Variants in GPR158 observed in about 807,000 individuals in gnomAD.
GPR158 encodes the protein G protein-coupled receptor 158, also known as metabotropic glycine receptor.
GPR158 carries 30 observed loss-of-function variants against 78.2 expected under a neutral mutation model. That is an observed-to-expected ratio of 0.38 (90% CI 0.29 to 0.52). The LOEUF (loss-of-function observed/expected upper bound fraction) is 0.52. GPR158 is among the 20% of genes least tolerant of loss of function. The pLI is 0.83. For missense variants in GPR158, 1,463 were observed against 1,523.5 expected (o/e 0.96, Z 0.66); for synonymous variants, 581 against 591.1 (o/e 0.98, Z 0.25).
In GPR158 at chr10:25,395,983, C is replaced by A. The variant is rs145500194; in HGVS notation, c.1081C>A (p.Pro361Thr). Residue 361 changes from proline to threonine, a missense_variant, in exon 3 of 11, where the codon CCT becomes ACT. By Grantham distance (38) the Pro-to-Thr change is conservative. Transcript: ENST00000376351. ...CATTTGCAAAGCAGGATTCTATCAT[C>A]CTGGAGTCTTACCAGTGAACAACTT... ...ECICKAGFYHPGVLPVNNFRR... is the reference protein window; with the variant it reads ...ECICKAGFYHTGVLPVNNFRR... 787 of 1,604,348 alleles carry A rather than the reference C, an allele frequency of 4.9e-4. 1 individual carries two copies. The highest frequency in any genetic ancestry group is 2.5e-3 in the South Asian group (230 of 90,866).
At chr10:25,273,048 A>G (rs1478493060) in intron 2 of GPR158, among the ~76,000 whole-genome samples, 1 of 152,220 alleles carries the variant, frequency 6.6e-6, no homozygotes, top group Admixed American at 6.5e-5. Flanking sequence ...ACCTGGGACT[A>G]TAATCCAGAT....
chr10:25,491,571 TTATCA>T (rs1835809262), intron 5 of GPR158, among the ~76,000 whole-genome samples: 1 of 152,200 alleles, frequency 6.6e-6, no homozygotes. Context: ...TTGAGATAAA[TTATCA>T]TTTATCACCC....
At chr10:25,282,117 C>A (rs74126509) in intron 2 of GPR158, among the ~76,000 whole-genome samples, 50 of 152,222 alleles carry the variant, frequency 3.3e-4, no homozygotes, top group African/African-American at 1.1e-3. Flanking sequence ...TTGTGATGCC[C>A]CTTTAAAATC....
chr10:25,510,465 A>G (rs1202562151), intron 5 of GPR158, among the ~76,000 whole-genome samples: 1 of 152,174 alleles, frequency 6.6e-6, no homozygotes. Context: ...TAGTAATATT[A>G]TTTGGCAGCT....
At chr10:25,463,035 A>G (rs1309915941) in intron 4 of GPR158, among the ~76,000 whole-genome samples, 2 of 152,222 alleles carry the variant, frequency 1.3e-5, no homozygotes, top group Non-Finnish European at 2.9e-5. Context: ...CGACTGGTAC[A>G]GCAAACTTCA....
At chr10:25,473,586 G>A (rs1038031042) in intron 5 of GPR158, among the ~76,000 whole-genome samples, 4 of 152,032 alleles carry the variant, frequency 2.6e-5, no homozygotes, top group Admixed American at 2.6e-4. Context: ...ATCTGGTGCT[G>A]GACTTTTTTT....
intron 2 of GPR158, among the ~76,000 whole-genome samples, chr10:25,363,944 A>T (rs1313709266): frequency 6.6e-6 from 1 of 151,842 alleles, no homozygotes; most frequent in Non-Finnish European, 1.5e-5. Flanking sequence ...TCTCTTCTAC[A>T]AAATGAGGAT....
chr10:25,559,130 T>A (rs888376119), intron 6 of GPR158, among the ~76,000 whole-genome samples: 1 of 152,252 alleles, frequency 6.6e-6, no homozygotes, highest in Non-Finnish European at 1.5e-5. Flanking sequence ...AGTTTCATTC[T>A]GAGATGCATA....
chr10:25,547,859 T>G (rs963116599), intron 5 of GPR158, among the ~76,000 whole-genome samples: 7 of 152,218 alleles, frequency 4.6e-5, no homozygotes, highest in Non-Finnish European at 7.3e-5. Flanking sequence ...AGTAAATGTA[T>G]GCAAAGATGC....
At chr10:25,204,649 G>A (rs1564390656) in intron 1 of GPR158, among the ~76,000 whole-genome samples, 1 of 152,038 alleles carries the variant, frequency 6.6e-6, no homozygotes, top group African/African-American at 2.4e-5. Flanking sequence ...GTTGGATTCG[G>A]TTTGCCAGTA....
intron 6 of GPR158, among the ~76,000 whole-genome samples, chr10:25,561,188 A>C (rs1836855639): frequency 6.6e-6 from 1 of 152,164 alleles, no homozygotes; most frequent in Non-Finnish European, 1.5e-5. Flanking sequence ...ATCTGTAATA[A>C]ATTTGTTTTT....
At chr10:25,383,647 A>G (rs1379416756) in intron 2 of GPR158, among the ~76,000 whole-genome samples, 1 of 152,236 alleles carries the variant, frequency 6.6e-6, no homozygotes, top group African/African-American at 2.4e-5. Context: ...CATTTCTTAA[A>G]GTATATTTCA....
At chr10:25,455,860 C>T (rs1835284227) in intron 4 of GPR158, among the ~76,000 whole-genome samples, 1 of 152,004 alleles carries the variant, frequency 6.6e-6, no homozygotes, top group South Asian at 2.1e-4. Context: ...TAATATTTTC[C>T]CCTCTTTTTT....
rs542628428 is a variant in GPR158 at position 25,368,284 on chromosome 10, A to ATTTT, written c.1009-27621_1009-27618dup. Among the ~76,000 whole-genome samples the ATTTT allele has an allele frequency of 5.0e-3, 753 of 151,030 alleles. 8 individuals carry two copies. Among genetic ancestry groups the ATTTT allele is most frequent in the African/African-American group, 0.016 (661 of 41,322 alleles). On this transcript the variant is annotated intron_variant, in intron 2 of 10. Coordinates refer to ENST00000376351, the MANE Select transcript of GPR158 (RefSeq NM_020752.3). ...TCTGATGTATCCCCAGTAAGACAGT[A>ATTTT]TTTTTTTTTAGAGTAAACAGACAAC...
chr10:25,208,344 C>A (rs1211866234), intron 1 of GPR158, among the ~76,000 whole-genome samples: 1 of 152,170 alleles, frequency 6.6e-6, no homozygotes, highest in East Asian at 1.9e-4. Context: ...GTCTCAATTA[C>A]CTACAGCGTT....
At chr10:25,439,459 A>G (rs2130586861) in intron 4 of GPR158, among the ~76,000 whole-genome samples, 1 of 152,184 alleles carries the variant, frequency 6.6e-6, no homozygotes, top group Admixed American at 6.5e-5. Flanking sequence ...CACAGAGCCA[A>G]ACCACATCAA....
intron 1 of GPR158, among the ~76,000 whole-genome samples, chr10:25,178,563 A>T (rs978546329): frequency 7.2e-5 from 11 of 152,298 alleles, no homozygotes; most frequent in African/African-American, 2.4e-4. Context: ...CTCTGTTTAG[A>T]AAATAGTTTG....
chr10:25,244,183 A>G (rs1046987515), intron 2 of GPR158: 4 of 152,170 alleles, frequency 2.6e-5, no homozygotes, highest in East Asian at 1.9e-4. Context: ...TTAATAATCA[A>G]AAGACTAGTA....
chr10:25,293,499 T>C (rs887026807), intron 2 of GPR158, among the ~76,000 whole-genome samples: 1 of 152,192 alleles, frequency 6.6e-6, no homozygotes, highest in Non-Finnish European at 1.5e-5. Flanking sequence ...GGGTTAGCCA[T>C]TCTATTGTTA....
Sources: gnomAD v4.1 joint callset for allele counts (sites outside exome capture counted in the v4.1 genomes callset) on GRCh38, gnomAD v4.1.1 for gene constraint, MANE v1.5 for transcripts, NCBI Gene and HGNC (gene_info 2026-07-23, HGNC 2026-07-21) for gene names.